The following GPHN variants were observed in gnomAD, a reference collection of about 807,000 sequenced individuals.
The protein encoded by GPHN is gephyrin.
A neutral mutation model predicts 95.5 loss-of-function variants in GPHN; 17 were observed. The ratio of observed to expected loss-of-function variants is 0.18; its 90% CI spans 0.12 to 0.27. GPHN has a LOEUF of 0.27. GPHN is among the 10% of genes least tolerant of loss of function. The pLI, the probability that GPHN is intolerant of heterozygous loss-of-function variation, is 1.00. For synonymous variants in GPHN, 320 were observed against 322.5 expected (o/e 0.99, Z 0.08); for missense variants, 660 against 978.1 (o/e 0.67, Z 4.34).
At chr14:66,559,091 T>C (rs2060124121) in intron 1 of GPHN, among the ~76,000 whole-genome samples, 2 of 152,228 alleles carry the variant, frequency 1.3e-5, no homozygotes, top group Admixed American at 6.5e-5. Flanking sequence ...GGCTGCATAG[T>C]ATTCCATGGT....
intron 8 of GPHN, among the ~76,000 whole-genome samples, chr14:66,951,862 A>AAT (rs1482113543): frequency 6.6e-6 from 1 of 152,184 alleles, no homozygotes; most frequent in Non-Finnish European, 1.5e-5. Context: ...TTTATATGAA[A>AAT]ATAAATGAAA....
chr14:67,713,458 T>C, the GPHN span, among the ~76,000 whole-genome samples: 1 of 149,900 alleles, frequency 6.7e-6, no homozygotes, highest in African/African-American at 2.5e-5. Context: ...CTTTAGATCT[T>C]GACCAAATTT....
the GPHN span, among the ~76,000 whole-genome samples, chr14:67,542,905 G>C: frequency 1.4e-4 from 21 of 152,034 alleles, no homozygotes; most frequent in Admixed American, 1.2e-3. Context: ...TCTCCATGTT[G>C]GTCAGGCTGG....
chr14:66,686,216 A>T (rs560916350), intron 2 of GPHN, among the ~76,000 whole-genome samples: 342 of 152,208 alleles, frequency 2.2e-3, no homozygotes, highest in African/African-American at 7.7e-3. Context: ...CTTAGGATTG[A>T]CTTGGCAATG....
chr14:67,396,026 G>C, the GPHN span, among the ~76,000 whole-genome samples: 75 of 152,308 alleles, frequency 4.9e-4, no homozygotes, highest in African/African-American at 1.7e-3. Flanking sequence ...CAAATGGCCT[G>C]TTAGTCATGC....
rs1313728075 is a variant in GPHN at position 67,057,408 on chromosome 14, GGGT to G, written c.1007-1238_1007-1236del. Among the ~76,000 whole-genome samples, 453 of 104,588 alleles carry G rather than the reference GGGT, an allele frequency of 4.3e-3. 25 individuals are homozygous for G. The highest frequency in any genetic ancestry group is 0.034 in the African/African-American group (436 of 12,658). 68.6% of individuals were successfully genotyped at this position (104,588 alleles called of 152,430 possible). ...GAACAACAAGAACACATGGGCACAT[GGGT>G]GGGGGGGGCAACAGCACACACTGGG... is the stretch of plus-strand genomic sequence containing the variant. On this transcript the variant is annotated intron_variant, in intron 10 of 22. Transcript: ENST00000478722.
chr14:67,118,589 G>T (rs2078826646), intron 16 of GPHN, among the ~76,000 whole-genome samples: 1 of 152,050 alleles, frequency 6.6e-6, no homozygotes, highest in Non-Finnish European at 1.5e-5. Context: ...TTAGCCGGGT[G>T]TGGTGGCGAG....
chr14:67,110,690 C>T (rs565834982), intron 14 of GPHN, among the ~76,000 whole-genome samples: 5 of 152,128 alleles, frequency 3.3e-5, no homozygotes, highest in Admixed American at 6.5e-5. Flanking sequence ...TTCATGAAAT[C>T]AGAATTTACT....
intron 2 of GPHN, among the ~76,000 whole-genome samples, chr14:66,718,343 G>A (rs1024998491): frequency 7.2e-5 from 11 of 152,080 alleles, no homozygotes; most frequent in African/African-American, 2.4e-4. Context: ...AAGGTGGCAC[G>A]TCCGGAGTTG....
At chr14:66,566,673 T>C (rs1450247818) in intron 1 of GPHN, among the ~76,000 whole-genome samples, 1 of 152,178 alleles carries the variant, frequency 6.6e-6, no homozygotes, top group Admixed American at 6.6e-5. Context: ...TAATTTTTGT[T>C]TGTTGGTTTG....
the GPHN span, among the ~76,000 whole-genome samples, chr14:67,319,771 A>T: frequency 1.3e-5 from 2 of 152,222 alleles, no homozygotes; most frequent in African/African-American, 2.4e-5. Flanking sequence ...GCTTTCTCTG[A>T]TAACACTGGT....
chr14:66,811,984 A>G (rs148747052), intron 3 of GPHN, among the ~76,000 whole-genome samples: 1 of 152,348 alleles, frequency 6.6e-6, no homozygotes, highest in Non-Finnish European at 1.5e-5. Flanking sequence ...TGATTATCCC[A>G]TTCTTAAAAC....
At chr14:67,029,872 G>A (rs1040818561) in intron 10 of GPHN, among the ~76,000 whole-genome samples, 6 of 152,024 alleles carry the variant, frequency 3.9e-5, no homozygotes, top group African/African-American at 1.4e-4. Context: ...GTCAAGCTTG[G>A]GTACCTTTAT....
Position 66,924,222 on chromosome 14 carries a change from T to C in GPHN, c.758T>C (p.Val253Ala). ...KKHPFYTSPA[V>A]VMAHGEQPIP... ...CATCCATTCTACACCAGTCCTGCTG[T>C]TGTCATGGCACACGGTGAACAGCCC... Residue 253 changes from valine to alanine, a missense_variant, in exon 8 of 23, where the codon GTT becomes GCT. Val to Ala is a moderately conservative substitution (Grantham distance 64). Transcript: ENST00000478722. 6.2e-7 allele frequency: 1 copy of C among 1,608,504 alleles called. No individual in the cohort carries two copies. Among genetic ancestry groups the C allele is most frequent in the Non-Finnish European group, 8.5e-7 (1 of 1,174,858 alleles).
chr14:66,905,131 T>C (rs1448113364), intron 5 of GPHN, among the ~76,000 whole-genome samples: 2 of 152,152 alleles, frequency 1.3e-5, no homozygotes, highest in East Asian at 3.8e-4. Context: ...CTTTTTGCTT[T>C]TTTCTTCTCT....
chr14:66,527,400 CAA>C (rs55952354), intron 1 of GPHN, among the ~76,000 whole-genome samples: 2 of 128,506 alleles, frequency 1.6e-5, no homozygotes, highest in Admixed American at 1.6e-4. Flanking sequence ...TTGATCTTTT[CAA>C]AAAAAAAAAA....
At chr14:67,193,506 CAT>C in the GPHN span, among the ~76,000 whole-genome samples, 30,741 of 137,588 alleles carry the variant, frequency 0.22, 3,542 homozygotes, top group Non-Finnish European at 0.24. Flanking sequence ...TCTAGATATC[CAT>C]ATATATATAT....
intron 8 of GPHN, among the ~76,000 whole-genome samples, chr14:66,940,496 C>T (rs1397105076): frequency 6.6e-6 from 1 of 152,128 alleles, no homozygotes; most frequent in Non-Finnish European, 1.5e-5. Flanking sequence ...GTGGCTTTCA[C>T]CCATGTTAAC....
chr14:67,676,213 G>A, the GPHN span, among the ~76,000 whole-genome samples: 131 of 152,328 alleles, frequency 8.6e-4, no homozygotes, highest in Non-Finnish European at 1.5e-3. Context: ...AAAGATGTAT[G>A]ACTGCTCAGG....
Sources: gnomAD v4.1 joint callset for allele counts (sites outside exome capture counted in the v4.1 genomes callset) on GRCh38, gnomAD v4.1.1 for gene constraint, MANE v1.5 for transcripts, NCBI Gene and HGNC (gene_info 2026-07-23, HGNC 2026-07-21) for gene names.